Variants in RORA observed in about 807,000 individuals in gnomAD.
RORA encodes nuclear receptor ROR-alpha.
RORA carries 7 observed loss-of-function variants against 69.5 expected under a neutral mutation model. That is an observed-to-expected ratio of 0.10 (90% CI 0.06 to 0.19). The LOEUF is 0.19. RORA is among the 10% of genes least tolerant of loss of function. The pLI is 1.00. For synonymous variants in RORA, 261 were observed against 240.8 expected (o/e 1.08, Z -0.78); for missense variants, 457 against 663.0 (o/e 0.69, Z 3.41).
intron 2 of RORA, among the ~76,000 whole-genome samples, chr15:60,649,663 C>A (rs147275107): frequency 5.9e-4 from 90 of 152,246 alleles, no homozygotes; most frequent in African/African-American, 2.1e-3. Context: ...TGACTGCAGC[C>A]CCTCACTTTG....
intron 1 of RORA, among the ~76,000 whole-genome samples, chr15:61,045,491 C>T (rs148458223): frequency 7.9e-4 from 121 of 152,248 alleles, no homozygotes; most frequent in African/African-American, 2.6e-3. Flanking sequence ...TCAATTGCTG[C>T]GCTGAAGTAA....
chr15:61,188,575 G>A (rs914568662), intron 1 of RORA, among the ~76,000 whole-genome samples: 1 of 152,162 alleles, frequency 6.6e-6, no homozygotes, highest in African/African-American at 2.4e-5. Flanking sequence ...TGGGCCACCT[G>A]TTTTAAGAGC....
intron 1 of RORA, among the ~76,000 whole-genome samples, chr15:60,945,758 C>T (rs1457375800): frequency 6.6e-6 from 1 of 152,222 alleles, no homozygotes; most frequent in Non-Finnish European, 1.5e-5. Context: ...TTGTCTATCC[C>T]AGTGCACATG....
rs10523030 is a variant in RORA at position 61,147,766 on chromosome 15, C to CGTGTGTGTGTGT, written c.166+81275_166+81286dup. ...TGGTCAGTAGGCACGTGCGCACACG[C>CGTGTGTGTGTGT]GTGTGTGTGTGTGTGTGTGTGTGTG... On this transcript the variant is annotated intron_variant, in intron 1 of 10. Coordinates refer to ENST00000335670, the MANE Select transcript of RORA (RefSeq NM_134261.3). The surrounding 1 kb of genome is among the most constrained non-coding windows in gnomAD (Gnocchi z 4.1). Among the ~76,000 whole-genome samples, 16,203 of 147,484 alleles carry CGTGTGTGTGTGT rather than the reference C, an allele frequency of 0.11. 967 individuals carry two copies. Among genetic ancestry groups the CGTGTGTGTGTGT allele is most frequent in the Non-Finnish European group, 0.14 (9,136 of 66,800 alleles).
intron 1 of RORA, among the ~76,000 whole-genome samples, chr15:61,165,641 G>A (rs1030463111): frequency 1.3e-5 from 2 of 152,210 alleles, no homozygotes; most frequent in Non-Finnish European, 2.9e-5. Flanking sequence ...GAACCTGAGG[G>A]TTCTGTGGAT....
At chr15:60,895,925 T>C (rs1469934768) in intron 1 of RORA, among the ~76,000 whole-genome samples, 1 of 152,254 alleles carries the variant, frequency 6.6e-6, no homozygotes, top group Non-Finnish European at 1.5e-5. Context: ...GATTCAGTTT[T>C]TTAATTAGAA....
chr15:60,706,691 G>C (rs571652312), intron 1 of RORA, among the ~76,000 whole-genome samples: 3 of 152,166 alleles, frequency 2.0e-5, no homozygotes, highest in Non-Finnish European at 4.4e-5. Flanking sequence ...GGAGACAGAA[G>C]CCCATACCAC....
intron 2 of RORA, among the ~76,000 whole-genome samples, chr15:60,667,085 G>A (rs2070392427): frequency 2.0e-5 from 3 of 152,148 alleles, no homozygotes; most frequent in African/African-American, 7.2e-5. Context: ...CCTCATCTCA[G>A]AGAATAGAAT....
chr15:61,228,327 C>A (rs1310276912), intron 1 of RORA, among the ~76,000 whole-genome samples: 1 of 152,216 alleles, frequency 6.6e-6, no homozygotes, highest in Non-Finnish European at 1.5e-5. Context: ...TCCGAACCCC[C>A]GGTCTGCAAA....
chr15:61,170,702 T>C (rs940573551), intron 1 of RORA, among the ~76,000 whole-genome samples: 1 of 152,204 alleles, frequency 6.6e-6, no homozygotes, highest in Non-Finnish European at 1.5e-5. Flanking sequence ...GTGCTCCAAA[T>C]ATACAGCCAT....
intron 1 of RORA, among the ~76,000 whole-genome samples, chr15:61,054,383 C>T (rs1383203274): frequency 6.6e-6 from 1 of 151,700 alleles, no homozygotes; most frequent in Non-Finnish European, 1.5e-5. Context: ...CACAGCTATA[C>T]TCTTCTTCTT....
At chr15:61,139,003 G>A (rs2079271856) in intron 1 of RORA, among the ~76,000 whole-genome samples, 1 of 151,964 alleles carries the variant, frequency 6.6e-6, no homozygotes, top group African/African-American at 2.4e-5. Flanking sequence ...AATTAGCCAG[G>A]CGTGGTGGCG....
chr15:60,706,776 A>C (rs1333934857), intron 1 of RORA, among the ~76,000 whole-genome samples: 1 of 152,184 alleles, frequency 6.6e-6, no homozygotes, highest in Non-Finnish European at 1.5e-5. Flanking sequence ...ATAAAAGCCG[A>C]AGTAGCACTT....
chr15:60,512,331 G>A (rs186509385), intron 4 of RORA, among the ~76,000 whole-genome samples: 4 of 152,208 alleles, frequency 2.6e-5, no homozygotes, highest in Admixed American at 2.6e-4. Flanking sequence ...TGTCACCCAG[G>A]CTGAAGTGCA....
intron 2 of RORA, among the ~76,000 whole-genome samples, chr15:60,612,657 C>T (rs2069119617): frequency 7.9e-6 from 1 of 127,064 alleles, no homozygotes; most frequent in African/African-American, 3.3e-5. Context: ...CTCTCTCTCT[C>T]TCTGTTTTTT....
At chr15:60,533,145 G>GT (rs2066576317) in intron 2 of RORA, among the ~76,000 whole-genome samples, 1 of 152,196 alleles carries the variant, frequency 6.6e-6, no homozygotes, top group South Asian at 2.1e-4. Flanking sequence ...TATAAACCAT[G>GT]TGTACTGCTA....
At chr15:60,621,802 C>A (rs1024903420) in intron 2 of RORA, among the ~76,000 whole-genome samples, 6 of 151,994 alleles carry the variant, frequency 3.9e-5, no homozygotes, top group Admixed American at 6.6e-5. Flanking sequence ...AATCCCAGCA[C>A]TTTGGGAGGG....
intron 1 of RORA, among the ~76,000 whole-genome samples, chr15:60,766,229 G>GCCTGTGAT (rs2071988370): frequency 6.6e-6 from 1 of 152,092 alleles, no homozygotes. Flanking sequence ...GAGCCTGTGA[G>GCCTGTGAT]CCTGCGAGCC....
At chr15:61,176,540 G>A (rs886115247) in intron 1 of RORA, 6 of 152,052 alleles carry the variant, frequency 3.9e-5, no homozygotes, top group Non-Finnish European at 7.4e-5. Flanking sequence ...TTGAACTCCT[G>A]GGCTCACGTA....
Sources: allele counts gnomAD v4.1 joint callset (sites outside exome capture counted in the v4.1 genomes callset), GRCh38; gene constraint gnomAD v4.1.1; non-coding constraint Gnocchi (gnomAD v3.1); transcripts MANE v1.5; gene names NCBI Gene and HGNC (gene_info 2026-07-23, HGNC 2026-07-21).